Variants in CSGALNACT1 observed in about 807,000 individuals in gnomAD.
CSGALNACT1 encodes chondroitin sulfate N-acetylgalactosaminyltransferase 1.
Under a neutral mutation model 51.0 loss-of-function variants are expected in CSGALNACT1, and 52 were observed. The ratio of observed to expected loss-of-function variants is 1.02; its 90% CI spans 0.82 to 1.29. The LOEUF (loss-of-function observed/expected upper bound fraction) is 1.29, where lower values mean the gene tolerates loss of function less well. CSGALNACT1 is among the 50% of genes most tolerant of loss of function. The pLI is 0.00. For missense variants in CSGALNACT1, 935 were observed against 679.2 expected (o/e 1.38, Z -4.19); for synonymous variants, 341 against 254.4 (o/e 1.34, Z -3.24).
chr8:19,405,373 T>A (rs1208463389), exon 10 of CSGALNACT1: 3 of 457,296 alleles, frequency 6.6e-6, no homozygotes, highest in South Asian at 4.6e-5. Flanking sequence ...AGAGCCCTGC[T>A]GATAGGCTCA....
intron 3 of CSGALNACT1, among the ~76,000 whole-genome samples, chr8:19,569,932 G>T (rs1037025518): frequency 6.6e-6 from 1 of 152,146 alleles, no homozygotes; most frequent in Non-Finnish European, 1.5e-5. Flanking sequence ...CACAATTAAA[G>T]AAGTCACACA....
chr8:19,741,491 A>C (rs2064310125), intron 1 of CSGALNACT1, among the ~76,000 whole-genome samples: 1 of 149,494 alleles, frequency 6.7e-6, no homozygotes, highest in Admixed American at 6.7e-5. Flanking sequence ...TGAAGCCGGG[A>C]AGCGGAGGTT....
intron 1 of CSGALNACT1, among the ~76,000 whole-genome samples, chr8:19,671,107 G>C (rs2059764193): frequency 6.6e-6 from 1 of 152,196 alleles, no homozygotes; most frequent in African/African-American, 2.4e-5. Context: ...CAGAGTGGAG[G>C]GCAGGAAGAG....
At chr8:19,669,138 T>C (rs1264690245) in intron 1 of CSGALNACT1, among the ~76,000 whole-genome samples, 2 of 152,226 alleles carry the variant, frequency 1.3e-5, no homozygotes, top group Admixed American at 6.5e-5. Context: ...TCATTTGCTA[T>C]TTGGCTTTGA....
At chr8:19,474,686 T>A (rs967120040) in intron 4 of CSGALNACT1, among the ~76,000 whole-genome samples, 20 of 151,764 alleles carry the variant, frequency 1.3e-4, no homozygotes, top group African/African-American at 4.4e-4. Context: ...CTAACCAACA[T>A]GGCAAAACCC....
In CSGALNACT1 at chr8:19,667,003, GAAAGAAAGA is replaced by G. The variant is rs1564385948; in HGVS notation, c.-544+15461_-544+15469del. Among the ~76,000 whole-genome samples the G allele has an allele frequency of 4.0e-3, 113 of 28,488 alleles. 2 individuals are homozygous for G. Among genetic ancestry groups the G allele is most frequent in the East Asian group, 5.5e-3 (8 of 1,454 alleles). 18.7% of individuals were successfully genotyped at this position (28,488 alleles called of 152,430 possible). On this transcript the variant is annotated intron_variant, in intron 1 of 9. Coordinates refer to the CSGALNACT1 transcript ENST00000332246. ...AGAAAGAAAGAAAGAAAGAAAGAAAGAAAGAAAGAAAGAAAGGAAGGAAGGAAGGAAGGA... is the reference window on the plus strand; with the variant it reads ...AGAAAGAAAGAAAGAAAGAAAGAAAGAAGAAAGGAAGGAAGGAAGGAAGGA...
chr8:19,591,219 C>A (rs2047748228), exon 3 of CSGALNACT1: 1 of 152,270 alleles, frequency 6.6e-6, no homozygotes. Flanking sequence ...AGTGGAAGGT[C>A]AGGACCGGAC....
At chr8:19,568,401 T>C (rs1412940785) in intron 3 of CSGALNACT1, among the ~76,000 whole-genome samples, 2 of 152,176 alleles carry the variant, frequency 1.3e-5, no homozygotes, top group Non-Finnish European at 2.9e-5. Flanking sequence ...ACCACCATCA[T>C]ATATGTGATT....
chr8:19,488,943 T>C (rs1172426907), intron 4 of CSGALNACT1, among the ~76,000 whole-genome samples: 1 of 152,080 alleles, frequency 6.6e-6, no homozygotes, highest in Admixed American at 6.6e-5. Context: ...TTATATAAAC[T>C]CAGGATCCTT....
chr8:19,749,317 C>T (rs145273099), intron 1 of CSGALNACT1, among the ~76,000 whole-genome samples: 1 of 151,296 alleles, frequency 6.6e-6, no homozygotes, highest in African/African-American at 2.4e-5. Flanking sequence ...TTGAAACAAA[C>T]TCTTCTCCAA....
chr8:19,707,811 G>C (rs1350003204), intron 1 of CSGALNACT1, among the ~76,000 whole-genome samples: 4 of 152,132 alleles, frequency 2.6e-5, no homozygotes, highest in Admixed American at 6.5e-5. Flanking sequence ...GATCAGCCTG[G>C]CCAAGATGGT....
chr8:19,713,486 C>A (rs1370896688), intron 1 of CSGALNACT1, among the ~76,000 whole-genome samples: 4 of 152,132 alleles, frequency 2.6e-5, no homozygotes, highest in Non-Finnish European at 4.4e-5. Context: ...ACAATGCATC[C>A]TTTTTTGGAA....
exon 6 of CSGALNACT1, chr8:19,439,843 C>T (rs994340692): frequency 1.9e-6 from 3 of 1,613,774 alleles, no homozygotes; most frequent in Non-Finnish European, 1.7e-6. Flanking sequence ...GAAGTGTTTT[C>T]AAGTATTCCT....
At chr8:19,404,767 T>G in exon 10 of CSGALNACT1, 1 of 454,578 alleles carries the variant, frequency 2.2e-6, no homozygotes, top group Non-Finnish European at 4.4e-6. Context: ...AAAATGTGGT[T>G]TCTGACTTTT....
intron 1 of CSGALNACT1, among the ~76,000 whole-genome samples, chr8:19,745,646 A>G (rs182758828): frequency 1.2e-3 from 181 of 152,326 alleles, no homozygotes; most frequent in African/African-American, 4.1e-3. Flanking sequence ...ATGTTGTAAA[A>G]TAAACAGGAA....
intron 1 of CSGALNACT1, among the ~76,000 whole-genome samples, chr8:19,721,521 T>A (rs920910041): frequency 6.6e-6 from 1 of 152,196 alleles, no homozygotes; most frequent in Non-Finnish European, 1.5e-5. Flanking sequence ...TAAAGCCTGA[T>A]GGACCATGAC....
At chr8:19,437,248 G>C (rs1416177772) in intron 6 of CSGALNACT1, among the ~76,000 whole-genome samples, 1 of 152,068 alleles carries the variant, frequency 6.6e-6, no homozygotes, top group Non-Finnish European at 1.5e-5. Context: ...GTTGAGGTTT[G>C]AATTAACAAA....
intron 4 of CSGALNACT1, among the ~76,000 whole-genome samples, chr8:19,468,931 C>T (rs1438807225): frequency 3.3e-5 from 5 of 152,226 alleles, no homozygotes; most frequent in Middle Eastern, 3.4e-3. Context: ...ATATGCCAAA[C>T]CTTCAGGTGC....
At chr8:19,635,521 G>A (rs1423338218) in intron 1 of CSGALNACT1, among the ~76,000 whole-genome samples, 1 of 152,166 alleles carries the variant, frequency 6.6e-6, no homozygotes, top group African/African-American at 2.4e-5. Context: ...GGCTGCTTCT[G>A]TGTCCAACTT....
Sources: allele counts gnomAD v4.1 joint callset (sites outside exome capture counted in the v4.1 genomes callset), GRCh38; gene constraint gnomAD v4.1.1; transcripts MANE v1.5; gene names NCBI Gene and HGNC (gene_info 2026-07-23, HGNC 2026-07-21).